Variants in STAG1 observed in about 807,000 individuals in gnomAD.
STAG1 encodes cohesin subunit SA-1.
In STAG1, 26 loss-of-function variants were observed where a neutral mutation model predicts 170.9. The ratio of observed to expected loss-of-function variants is 0.15; its 90% CI spans 0.11 to 0.21. The LOEUF is 0.21. STAG1 is among the 10% of genes least tolerant of loss of function. The pLI is 1.00. For missense variants in STAG1, 964 were observed against 1,509.5 expected (o/e 0.64, Z 5.99); for synonymous variants, 514 against 497.7 (o/e 1.03, Z -0.44).
intron 1 of STAG1, among the ~76,000 whole-genome samples, chr3:136,658,593 C>T (rs1185360916): frequency 2.0e-5 from 3 of 152,126 alleles, no homozygotes; most frequent in Non-Finnish European, 2.9e-5. Flanking sequence ...GTAAAATAAG[C>T]TACATGCCTT....
intron 6 of STAG1, among the ~76,000 whole-genome samples, chr3:136,529,704 A>G (rs1199449853): frequency 3.9e-5 from 6 of 152,202 alleles, no homozygotes; most frequent in African/African-American, 1.4e-4. Flanking sequence ...GAAAACACAC[A>G]AAAGTATAAG....
At chr3:136,679,994 C>T (rs1297802698) in intron 1 of STAG1, among the ~76,000 whole-genome samples, 2 of 152,072 alleles carry the variant, frequency 1.3e-5, no homozygotes, top group Non-Finnish European at 2.9e-5. Flanking sequence ...AATATATTCC[C>T]ATAAATGTGG....
intron 1 of STAG1, among the ~76,000 whole-genome samples, chr3:136,678,873 G>GAAGAAA (rs1386109243): frequency 1.7e-5 from 2 of 120,200 alleles, no homozygotes; most frequent in Non-Finnish European, 3.5e-5. Context: ...AAAAGAAAAA[G>GAAGAAA]AAGAAAAAGA....
intron 16 of STAG1, among the ~76,000 whole-genome samples, chr3:136,424,757 T>C (rs1474105703): frequency 6.6e-6 from 1 of 152,126 alleles, no homozygotes; most frequent in Non-Finnish European, 1.5e-5. Flanking sequence ...CTAACAAAAT[T>C]GTATATATAT....
At chr3:136,678,873 GAAGAAA>G (rs1386109243) in intron 1 of STAG1, among the ~76,000 whole-genome samples, 1 of 120,200 alleles carries the variant, frequency 8.3e-6, no homozygotes, top group Non-Finnish European at 1.8e-5. Flanking sequence ...AAAAGAAAAA[GAAGAAA>G]AAGAAAAAAA....
chr3:136,538,534 T>C (rs1576583808), intron 6 of STAG1, among the ~76,000 whole-genome samples: 2 of 152,044 alleles, frequency 1.3e-5, no homozygotes, highest in Admixed American at 1.3e-4. Context: ...TTCTCCTGCG[T>C]CAGCCACTCC....
chr3:136,468,798 T>G (rs959701446), intron 12 of STAG1, among the ~76,000 whole-genome samples: 54 of 152,068 alleles, frequency 3.6e-4, no homozygotes, highest in Admixed American at 8.5e-4. Flanking sequence ...ATGATCAAGT[T>G]GGCTTCATCC....
At chr3:136,721,661 G>A (rs576475007) in intron 1 of STAG1, among the ~76,000 whole-genome samples, 1 of 152,218 alleles carries the variant, frequency 6.6e-6, no homozygotes, top group African/African-American at 2.4e-5. Flanking sequence ...AGGCTGAGGC[G>A]GGCGGATCAC....
intron 9 of STAG1, among the ~76,000 whole-genome samples, chr3:136,484,731 T>C (rs1376145627): frequency 7.6e-4 from 112 of 146,434 alleles, no homozygotes; most frequent in Non-Finnish European, 8.5e-4. Flanking sequence ...ATCAGCGAGA[T>C]TCCGTGGGCG....
intron 28 of STAG1, among the ~76,000 whole-genome samples, chr3:136,349,695 A>G (rs570980237): frequency 3.3e-5 from 5 of 152,246 alleles, no homozygotes; most frequent in African/African-American, 4.8e-5. Flanking sequence ...GTTTTCTTAT[A>G]AAGTGTTCAA....
chr3:136,375,435 A>G (rs1237526782), intron 23 of STAG1, among the ~76,000 whole-genome samples: 2 of 152,212 alleles, frequency 1.3e-5, no homozygotes, highest in East Asian at 1.9e-4. Flanking sequence ...CTTCTATGGG[A>G]AAACATAATT....
At chr3:136,573,828 G>C (rs185695899) in intron 4 of STAG1, among the ~76,000 whole-genome samples, 4 of 152,038 alleles carry the variant, frequency 2.6e-5, no homozygotes, top group African/African-American at 7.2e-5. Flanking sequence ...AAAATTAGCG[G>C]GGCGTGGTGG....
In STAG1 at chr3:136,439,962, T is replaced by A. The variant is rs181464180; in HGVS notation, c.1546+3325A>T. On this transcript the variant is annotated intron_variant, in intron 15 of 33. Coordinates refer to ENST00000383202, the MANE Select transcript of STAG1 (RefSeq NM_005862.3). ...TTAAAAAATCCAATGTAAACAGAAT[T>A]TAAACCACAATGAAACACCTAATAG... Among the ~76,000 whole-genome samples, 252 of 152,142 alleles carry A rather than the reference T, an allele frequency of 1.7e-3. 1 individual carries two copies. The Middle Eastern group carries it at 0.024, about 14-fold the overall frequency.
At chr3:136,513,261 C>T (rs934705779) in intron 7 of STAG1, among the ~76,000 whole-genome samples, 7 of 151,680 alleles carry the variant, frequency 4.6e-5, no homozygotes, top group African/African-American at 9.7e-5. Context: ...AGGCTGAGGT[C>T]GGAGAGTATC....
chr3:136,400,215 A>T (rs1390638061), intron 21 of STAG1, among the ~76,000 whole-genome samples: 1 of 151,506 alleles, frequency 6.6e-6, no homozygotes, highest in Non-Finnish European at 1.5e-5. Flanking sequence ...GAGCCACGGT[A>T]ACCAATTATC....
chr3:136,470,602 G>A (rs2089601210), intron 12 of STAG1, among the ~76,000 whole-genome samples: 1 of 152,178 alleles, frequency 6.6e-6, no homozygotes, highest in Non-Finnish European at 1.5e-5. Flanking sequence ...TCTAGAACTA[G>A]AAATACCATT....
chr3:136,603,746 G>A (rs1433990612), intron 4 of STAG1, among the ~76,000 whole-genome samples: 2 of 152,082 alleles, frequency 1.3e-5, no homozygotes, highest in African/African-American at 2.4e-5. Flanking sequence ...AATTAGCCGG[G>A]CATGGTGGCA....
At chr3:136,406,520 T>C (rs1304965771) in intron 21 of STAG1, among the ~76,000 whole-genome samples, 4 of 152,134 alleles carry the variant, frequency 2.6e-5, no homozygotes, top group Non-Finnish European at 5.9e-5. Flanking sequence ...CATAAGACTG[T>C]ACATAAATAA....
intron 1 of STAG1, among the ~76,000 whole-genome samples, chr3:136,653,566 T>C (rs939415096): frequency 2.0e-5 from 3 of 152,190 alleles, no homozygotes; most frequent in African/African-American, 7.2e-5. Context: ...TATTTACTAA[T>C]TAATCCTCAC....
Sources: allele counts gnomAD v4.1 joint callset (sites outside exome capture counted in the v4.1 genomes callset), GRCh38; gene constraint gnomAD v4.1.1; transcripts MANE v1.5; gene names NCBI Gene and HGNC (gene_info 2026-07-23, HGNC 2026-07-21).